The following CHN2 variants were observed in gnomAD, a reference collection of about 807,000 sequenced individuals.
CHN2 encodes beta-chimaerin.
In CHN2, 35 loss-of-function variants were observed where a neutral mutation model predicts 56.3. The ratio of observed to expected loss-of-function variants is 0.62; its 90% CI spans 0.47 to 0.82. The LOEUF is 0.82. Among genes scored for constraint, CHN2 ranks in the 40% least tolerant of loss-of-function variants. The probability of loss-of-function intolerance (pLI) is 0.00; values close to 1 mark genes in which losing one functional copy is unlikely to be tolerated. For synonymous variants in CHN2, 210 were observed against 212.8 expected (o/e 0.99, Z 0.12); for missense variants, 491 against 580.5 (o/e 0.85, Z 1.58).
chr7:29,349,881 T>G, intron 1 of CHN2, among the ~76,000 whole-genome samples: 1 of 152,218 alleles, frequency 6.6e-6, no homozygotes, highest in African/African-American at 2.4e-5. Context: ...TTTAACAAAC[T>G]AATACATTTC....
At chr7:29,309,899 G>T (rs932716390) in intron 1 of CHN2, among the ~76,000 whole-genome samples, 3 of 152,150 alleles carry the variant, frequency 2.0e-5, no homozygotes, top group African/African-American at 7.2e-5. Context: ...GTTGTCTAGG[G>T]TCTGGGGAAT....
At chr7:29,394,357 G>A (rs1801579774) in intron 4 of CHN2, among the ~76,000 whole-genome samples, 3 of 152,190 alleles carry the variant, frequency 2.0e-5, no homozygotes, top group Admixed American at 1.3e-4. Context: ...CAGGCAGAAC[G>A]GGCCAGGGGA....
intron 12 of CHN2, among the ~76,000 whole-genome samples, chr7:29,512,103 C>G (rs927314132): frequency 6.6e-5 from 10 of 152,012 alleles, no homozygotes; most frequent in Non-Finnish European, 1.2e-4. Context: ...CCTCTGGCAC[C>G]GGTCCTCCCA....
Position 29,161,290 on chromosome 7 carries a change from C to T in CHN2, c.274+14330C>T, listed in dbSNP as rs912867322. ...TCTTTTTCCAGTCCCCTTTGAACCC[C>T]GTTACCAAGTGAATCTTCCTAAAAC... On this transcript the variant is annotated intron_variant, in intron 2 of 6. Transcript: ENST00000439384. Among the ~76,000 whole-genome samples the T allele has an allele frequency of 7.9e-5, 12 of 152,278 alleles. No individual in the cohort carries two copies. The East Asian group carries it at 1.7e-3, about 22-fold the overall frequency.
chr7:29,171,522 C>T (rs1228237792), intron 2 of CHN2, among the ~76,000 whole-genome samples: 1 of 152,100 alleles, frequency 6.6e-6, no homozygotes. Flanking sequence ...AATTCAGCCC[C>T]GAGCTTTCTT....
At chr7:29,371,724 T>C (rs541308846) in intron 3 of CHN2, among the ~76,000 whole-genome samples, 1 of 152,158 alleles carries the variant, frequency 6.6e-6, no homozygotes, top group Non-Finnish European at 1.5e-5. Flanking sequence ...ATGTTCAGAA[T>C]AGAACTAGGC....
chr7:29,405,161 C>CTACACACACACA (rs1554287645), intron 6 of CHN2, among the ~76,000 whole-genome samples: 2 of 49,808 alleles, frequency 4.0e-5, no homozygotes, highest in Non-Finnish European at 9.3e-5. Context: ...GCTTATGTCA[C>CTACACACACACA]CATACACACA....
At position 29,319,514 on chromosome 7, in the gene CHN2, G is replaced by A. The variant is rs979917831; in HGVS notation, c.50-35111G>A. 3.3e-5 allele frequency among the ~76,000 whole-genome samples: 5 copies of A among 152,150 alleles called. No homozygotes were observed. The East Asian group carries it at 9.7e-4, about 29-fold the overall frequency. ...CATGGTGCATGGTGCTTTCCCAGAT[G>A]TCCTTTAATTTAACATCCTGTGGAC... On this transcript the variant is annotated intron_variant, in intron 1 of 12. Coordinates refer to ENST00000222792, the MANE Select transcript of CHN2 (RefSeq NM_004067.4).
At chr7:29,233,054 T>G (rs990208421) in intron 1 of CHN2, among the ~76,000 whole-genome samples, 2 of 152,220 alleles carry the variant, frequency 1.3e-5, no homozygotes, top group African/African-American at 4.8e-5. Context: ...GCTTTGAGTT[T>G]TCTCAATGTC....
At chr7:29,384,171 A>G (rs933523047) in intron 3 of CHN2, among the ~76,000 whole-genome samples, 4 of 152,212 alleles carry the variant, frequency 2.6e-5, no homozygotes, top group Non-Finnish European at 2.9e-5. Flanking sequence ...CAGTCTACCC[A>G]GGTCTCCAGA....
At chr7:29,473,319 G>A (rs1300064696) in intron 6 of CHN2, among the ~76,000 whole-genome samples, 1 of 152,118 alleles carries the variant, frequency 6.6e-6, no homozygotes, top group Non-Finnish European at 1.5e-5. Flanking sequence ...TTGAACTGAA[G>A]CACTTGAGAT....
chr7:29,440,324 G>T (rs771940658), intron 6 of CHN2, among the ~76,000 whole-genome samples: 8 of 152,144 alleles, frequency 5.3e-5, no homozygotes, highest in Non-Finnish European at 1.2e-4. Flanking sequence ...AAAAGTAACA[G>T]TAATCAGTGA....
At chr7:29,485,181 GT>G (rs1787816177) in intron 7 of CHN2, among the ~76,000 whole-genome samples, 1 of 152,150 alleles carries the variant, frequency 6.6e-6, no homozygotes, top group Non-Finnish European at 1.5e-5. Flanking sequence ...CAGAGTATGT[GT>G]TATACTTTAT....
At chr7:29,353,264 A>G (rs1479277963) in intron 1 of CHN2, among the ~76,000 whole-genome samples, 1 of 152,248 alleles carries the variant, frequency 6.6e-6, no homozygotes, top group Non-Finnish European at 1.5e-5. Flanking sequence ...TTTGGGGAAG[A>G]AAACCACCCT....
upstream of CHN2, chr7:29,192,482 G>A (rs1410876910): frequency 1.3e-5 from 2 of 152,190 alleles, no homozygotes; most frequent in African/African-American, 2.4e-5. Context: ...TTTGGGACAA[G>A]AAATATAAGC....
intron 2 of CHN2, chr7:29,147,095 A>G (rs1316635082): frequency 8.1e-7 from 1 of 1,235,278 alleles, no homozygotes; most frequent in South Asian, 1.5e-5. Flanking sequence ...AGTGAGGTTA[A>G]GTAACCCATC....
intron 1 of CHN2, among the ~76,000 whole-genome samples, chr7:29,205,168 A>G (rs1022387907): frequency 7.9e-5 from 12 of 152,202 alleles, no homozygotes; most frequent in Admixed American, 1.3e-4. Flanking sequence ...CTGTAGTTTC[A>G]GCTTGTGCTC....
At chr7:29,297,581 G>A (rs1460135820) in intron 1 of CHN2, among the ~76,000 whole-genome samples, 1 of 152,158 alleles carries the variant, frequency 6.6e-6, no homozygotes, top group Non-Finnish European at 1.5e-5. Flanking sequence ...AACAAGGTGG[G>A]GGGAGGGTAA....
intron 3 of CHN2, among the ~76,000 whole-genome samples, chr7:29,383,948 A>G (rs1408802005): frequency 1.3e-5 from 2 of 152,202 alleles, no homozygotes; most frequent in Non-Finnish European, 2.9e-5. Flanking sequence ...GGACTTGGAG[A>G]GAAAGGGACC....
Sources: allele counts gnomAD v4.1 joint callset (sites outside exome capture counted in the v4.1 genomes callset), GRCh38; gene constraint gnomAD v4.1.1; transcripts MANE v1.5; gene names NCBI Gene and HGNC (gene_info 2026-07-23, HGNC 2026-07-21).